The following N4BP2L2 variants were observed in gnomAD, a reference collection of about 807,000 sequenced individuals.
The protein encoded by N4BP2L2 is NEDD4-binding protein 2-like 2.
Under a neutral mutation model 56.2 loss-of-function variants are expected in N4BP2L2, and 50 were observed. That is an observed-to-expected ratio of 0.89 (90% CI 0.71 to 1.13). N4BP2L2 has a LOEUF of 1.13. Ranked by LOEUF, N4BP2L2 falls within the 50% of genes most tolerant of loss-of-function variation. The probability of loss-of-function intolerance (pLI) is 0.00; values close to 1 mark genes in which losing one functional copy is unlikely to be tolerated. For synonymous variants in N4BP2L2, 203 were observed against 223.6 expected, an observed-to-expected ratio of 0.91 and a Z score of 0.82; for missense variants, 689 against 693.8, an observed-to-expected ratio of 0.99 and a Z score of 0.08.
At chr13:32,521,664 C>G (rs1018010251) in intron 4 of N4BP2L2, 1 of 456,320 alleles carries the variant, frequency 2.2e-6, no homozygotes, top group Non-Finnish European at 3.8e-6. Flanking sequence ...CTTAAGATTA[C>G]TATCCTTAAG....
intron 5 of N4BP2L2, among the ~76,000 whole-genome samples, chr13:32,518,429 G>A (rs1345936411): frequency 6.6e-6 from 1 of 151,986 alleles, no homozygotes. Flanking sequence ...TTTAAAATGG[G>A]CAACACCAAA....
At chr13:32,528,761 G>C (rs1373857642) in intron 2 of N4BP2L2, among the ~76,000 whole-genome samples, 1 of 152,100 alleles carries the variant, frequency 6.6e-6, no homozygotes, top group African/African-American at 2.4e-5. Context: ...TATTGGCCTG[G>C]AATGATTCAA....
In N4BP2L2 at chr13:32,522,257, G is replaced by A. The variant is rs537241737; in HGVS notation, c.1398C>T (p.Ile466=). Residue 466 remains isoleucine, a synonymous_variant, in exon 4 of 6, where the codon ATC becomes ATT. Transcript: ENST00000267068. ...TTATAACTGGAGATCTTCCCTGATC[G>A]ATAGCTTGTTTTGCTGAAATAAAAT... 1.4e-5 allele frequency: 22 copies of A among 1,530,828 alleles called. No individual in the cohort carries two copies. The African/African-American group carries it at 2.2e-4, about 16-fold the overall frequency. 94.8% of individuals were successfully genotyped at this position (1,530,828 alleles called of 1,614,324 possible).
chr13:32,520,783 TCAC>T (rs1594041394), intron 5 of N4BP2L2, among the ~76,000 whole-genome samples: 1 of 152,160 alleles, frequency 6.6e-6, no homozygotes, highest in African/African-American at 2.4e-5. Context: ...TCACAATCTC[TCAC>T]CACAATTACT....
At chr13:32,527,655 C>G in intron 2 of N4BP2L2, 123 bp from the exon 3 acceptor site, 1 of 1,065,918 alleles carries the variant, frequency 9.4e-7, no homozygotes, top group Non-Finnish European at 1.3e-6. Flanking sequence ...AAATGGATTT[C>G]TGATACTTAC....
At chr13:32,452,186 C>A (rs754707582) in intron 6 of N4BP2L2, among the ~76,000 whole-genome samples, 1 of 151,984 alleles carries the variant, frequency 6.6e-6, no homozygotes, top group African/African-American at 2.4e-5. Flanking sequence ...CTCAGCCTCC[C>A]GAGTAGCTGG....
At chr13:32,472,784 G>T (rs536257499) in intron 6 of N4BP2L2, among the ~76,000 whole-genome samples, 2 of 152,240 alleles carry the variant, frequency 1.3e-5, no homozygotes, top group African/African-American at 4.8e-5. Context: ...AAATAGCCTG[G>T]CAGACATCCC....
rs754271799 is a variant in N4BP2L2 at position 32,536,441 on chromosome 13, G to A, written c.587C>T (p.Ser196Phe). ...AACAAATTGTTCCTGAGAAGGTTCA[G>A]ATTCTTTACAACTGTTCTCAAAACC... Residue 196 changes from serine to phenylalanine, a missense_variant, in exon 2 of 6, where the codon TCT becomes TTT. Transcript: ENST00000267068. 6.2e-6 allele frequency: 10 copies of A among 1,613,544 alleles called. No individual in the cohort carries two copies. The African/African-American group carries it at 1.1e-4, about 17-fold the overall frequency.
intron 6 of N4BP2L2, among the ~76,000 whole-genome samples, chr13:32,451,898 T>A (rs949329836): frequency 6.6e-6 from 1 of 151,966 alleles, no homozygotes; most frequent in African/African-American, 2.4e-5. Context: ...GGTAAAACAA[T>A]AAAGGTTAAG....
chr13:32,466,891 G>T (rs1324714540), intron 6 of N4BP2L2, among the ~76,000 whole-genome samples: 1 of 152,170 alleles, frequency 6.6e-6, no homozygotes, highest in African/African-American at 2.4e-5. Context: ...AGAAAAGGGA[G>T]TCTTCCCTAA....
chr13:32,536,768 G>A, exon 2 of N4BP2L2: 1 of 1,614,102 alleles, frequency 6.2e-7, no homozygotes, highest in Non-Finnish European at 8.5e-7. Flanking sequence ...TCTATTACCA[G>A]GCATCTCATC....
At chr13:32,492,643 C>A (rs2139371364) in intron 6 of N4BP2L2, among the ~76,000 whole-genome samples, 1 of 152,170 alleles carries the variant, frequency 6.6e-6, no homozygotes, top group East Asian at 1.9e-4. Context: ...CGATTTACTA[C>A]TTTTTGAGTT....
intron 6 of N4BP2L2, chr13:32,446,378 T>C (rs376356164): frequency 1.5e-6 from 2 of 1,365,642 alleles, no homozygotes; most frequent in Non-Finnish European, 9.8e-7. Flanking sequence ...GTGAAAGTCC[T>C]AGTTGCAGTC....
chr13:32,439,449 A>G (rs1369897031), intron 7 of N4BP2L2, among the ~76,000 whole-genome samples: 1 of 152,124 alleles, frequency 6.6e-6, no homozygotes, highest in East Asian at 1.9e-4. Context: ...TAGTGTCTTG[A>G]TGCATTCTGG....
chr13:32,536,582 A>T, exon 2 of N4BP2L2: 1 of 1,613,872 alleles, frequency 6.2e-7, no homozygotes, highest in Non-Finnish European at 8.5e-7. Flanking sequence ...TCTGTCATTT[A>T]TACCATTTAG....
chr13:32,478,010 T>C (rs1024061972), intron 6 of N4BP2L2: 6 of 1,289,414 alleles, frequency 4.7e-6, no homozygotes, highest in Admixed American at 2.3e-5. Context: ...GTGTTCATCA[T>C]CTTGTACCAG....
chr13:32,465,104 T>C (rs1258839100), intron 6 of N4BP2L2, among the ~76,000 whole-genome samples: 2 of 152,100 alleles, frequency 1.3e-5, no homozygotes, highest in African/African-American at 4.8e-5. Flanking sequence ...GTAGCTGGGA[T>C]TACAGGTGCC....
chr13:32,512,719 T>C (rs1368972534), exon 6 of N4BP2L2: 1 of 152,206 alleles, frequency 6.6e-6, no homozygotes, highest in Non-Finnish European at 1.5e-5. Context: ...CTTGTTCTTG[T>C]GCATAGAGTG....
At chr13:32,458,939 A>G (rs1321372893) in intron 6 of N4BP2L2, among the ~76,000 whole-genome samples, 2 of 152,238 alleles carry the variant, frequency 1.3e-5, no homozygotes, top group Admixed American at 6.5e-5. Context: ...CATATCAAGT[A>G]TCTTCTCAGA....
Sources: gnomAD v4.1 joint callset for allele counts (sites outside exome capture counted in the v4.1 genomes callset) on GRCh38, gnomAD v4.1.1 for gene constraint, MANE v1.5 for transcripts, NCBI Gene and HGNC (gene_info 2026-07-23, HGNC 2026-07-21) for gene names.